The following PAPPA2 variants were observed in gnomAD, a reference collection of about 807,000 sequenced individuals.
PAPPA2 encodes the protein pappalysin 2, also known as pappalysin-2.
Under a neutral mutation model 176.4 loss-of-function variants are expected in PAPPA2, and 86 were observed. The observed-to-expected ratio is 0.49, with a 90% CI of 0.41 to 0.58. The LOEUF (loss-of-function observed/expected upper bound fraction) is 0.58. Among genes scored for constraint, PAPPA2 ranks in the 20% least tolerant of loss-of-function variants. The pLI is 0.00. For missense variants in PAPPA2, 2,073 were observed against 2,256.9 expected (o/e 0.92, Z 1.65); for synonymous variants, 809 against 852.2 (o/e 0.95, Z 0.88).
At chr1:176,570,679 C>T (rs749069051) in intron 2 of PAPPA2, among the ~76,000 whole-genome samples, 3 of 150,550 alleles carry the variant, frequency 2.0e-5, no homozygotes, top group East Asian at 4.0e-4. Flanking sequence ...TGTGCCCCCT[C>T]CTCTGCCATG....
chr1:176,699,242 C>A lies in PAPPA2; in HGVS notation c.2889C>A (p.Ala963=), dbSNP rs758339802. The change falls in exon 8 of 23, where the codon GCC becomes GCA. Residue 963 remains alanine (A), a synonymous_variant. Transcript: ENST00000367662. ...TGCTCTTCCAACACCCGGTCCAAGCCGACACCCTCACCCTGTGGGTCACTT... is the reference window on the plus strand; with the variant it reads ...TGCTCTTCCAACACCCGGTCCAAGCAGACACCCTCACCCTGTGGGTCACTT... The part of the protein sequence containing the change: ...LELLFQHPVQ[A]DTLTLWVTSF... The A allele has an allele frequency of 6.2e-7, 1 of 1,614,126 alleles. No homozygotes were observed.
chr1:176,696,833 G>C (rs1478666031), intron 7 of PAPPA2, among the ~76,000 whole-genome samples: 1 of 152,210 alleles, frequency 6.6e-6, no homozygotes, highest in South Asian at 2.1e-4. Context: ...ATTGGTCTGA[G>C]AGTCTGCAGT....
chr1:176,717,438 C>A (rs1232742542), intron 12 of PAPPA2, among the ~76,000 whole-genome samples: 1 of 152,208 alleles, frequency 6.6e-6, no homozygotes, highest in Non-Finnish European at 1.5e-5. Flanking sequence ...TCTGAATAGC[C>A]ATCTCTTAAT....
At chr1:176,597,692 AAAG>A (rs1309359697) in intron 3 of PAPPA2, among the ~76,000 whole-genome samples, 1 of 152,216 alleles carries the variant, frequency 6.6e-6, no homozygotes, top group African/African-American at 2.4e-5. Context: ...ATTTAAAAAA[AAAG>A]AAGAAAAGAA....
chr1:176,677,749 T>C (rs554463568), intron 4 of PAPPA2, among the ~76,000 whole-genome samples: 61 of 152,254 alleles, frequency 4.0e-4, no homozygotes, highest in African/African-American at 1.1e-3. Flanking sequence ...TTGGATACCA[T>C]ACTCATTGTC....
intron 3 of PAPPA2, among the ~76,000 whole-genome samples, chr1:176,645,977 A>G (rs945143636): frequency 4.0e-5 from 6 of 151,480 alleles, no homozygotes; most frequent in Non-Finnish European, 7.4e-5. Flanking sequence ...AGTTCTTTAT[A>G]TTTTGTTTCT....
At chr1:176,670,883 C>G (rs1658954321) in intron 3 of PAPPA2, 87 bp from the exon 4 acceptor site, 1 of 1,521,264 alleles carries the variant, frequency 6.6e-7, no homozygotes, top group South Asian at 1.2e-5. Flanking sequence ...GCTGGGAGTG[C>G]CATTAGAATC....
At chr1:176,710,686 A>T (rs1221799014) in intron 11 of PAPPA2, among the ~76,000 whole-genome samples, 1 of 152,196 alleles carries the variant, frequency 6.6e-6, no homozygotes, top group African/African-American at 2.4e-5. Flanking sequence ...CCTATTCTAG[A>T]TGCTTTTATT....
chr1:176,609,201 C>G (rs964226168), intron 3 of PAPPA2, among the ~76,000 whole-genome samples: 1 of 152,164 alleles, frequency 6.6e-6, no homozygotes, highest in African/African-American at 2.4e-5. Context: ...GGTTTTTGCT[C>G]CAGCGTAGTC....
chr1:176,576,257 T>A (rs929378884), intron 2 of PAPPA2, among the ~76,000 whole-genome samples: 5 of 152,216 alleles, frequency 3.3e-5, no homozygotes, highest in Non-Finnish European at 5.9e-5. Flanking sequence ...TTGTTCTTAC[T>A]CTTTGCCAAC....
intron 2 of PAPPA2, among the ~76,000 whole-genome samples, chr1:176,574,749 T>A (rs1372232919): frequency 6.6e-6 from 1 of 152,248 alleles, no homozygotes; most frequent in Non-Finnish European, 1.5e-5. Flanking sequence ...TGCATAATGA[T>A]GTGTTGGTTA....
intron 17 of PAPPA2, among the ~76,000 whole-genome samples, chr1:176,787,381 C>T (rs957020746): frequency 1.3e-5 from 2 of 151,858 alleles, no homozygotes; most frequent in Non-Finnish European, 2.9e-5. Context: ...ACTACAGGTG[C>T]GTGCCACTGT....
chr1:176,821,821 G>A (rs942188273), intron 21 of PAPPA2, among the ~76,000 whole-genome samples: 9 of 152,198 alleles, frequency 5.9e-5, no homozygotes, highest in African/African-American at 1.9e-4. Flanking sequence ...CATGGCAAAG[G>A]AAGGGTGAGT....
At chr1:176,522,066 C>A (rs924851903) in intron 1 of PAPPA2, among the ~76,000 whole-genome samples, 1 of 152,190 alleles carries the variant, frequency 6.6e-6, no homozygotes, top group Non-Finnish European at 1.5e-5. Context: ...GATCCAAACT[C>A]TGGCTTCCTC....
intron 1 of PAPPA2, among the ~76,000 whole-genome samples, chr1:176,502,833 G>A (rs987910405): frequency 1.3e-5 from 2 of 152,064 alleles, no homozygotes; most frequent in African/African-American, 2.4e-5. Context: ...AAGAAAAGGG[G>A]TACAACATGA....
intron 14 of PAPPA2, among the ~76,000 whole-genome samples, chr1:176,747,834 G>A (rs902018316): frequency 2.0e-5 from 3 of 152,176 alleles, no homozygotes; most frequent in Admixed American, 1.3e-4. Flanking sequence ...CCACTTCCAA[G>A]TTCACATGGT....
intron 21 of PAPPA2, among the ~76,000 whole-genome samples, chr1:176,831,733 C>G (rs1236258157): frequency 6.6e-6 from 1 of 152,122 alleles, no homozygotes; most frequent in Non-Finnish European, 1.5e-5. Flanking sequence ...AAGTAAGTCC[C>G]AGAGAGTCTC....
rs890158713 is a variant in PAPPA2, at chr1:176,668,869, A to T, written c.1992-2101A>T. Among the ~76,000 whole-genome samples, 4 of 152,292 alleles carry T rather than the reference A, an allele frequency of 2.6e-5. No homozygotes were observed. The East Asian group carries it at 7.7e-4, about 29-fold the overall frequency. On this transcript the variant is annotated intron_variant, in intron 3 of 22. Transcript: ENST00000367662. The stretch of plus-strand genomic sequence containing the variant: ...CCCAGTTTGCCACCAGCATGACATA[A>T]ATACTGTCATCTGGAAGGGTAATTT...
chr1:176,628,967 C>T lies in PAPPA2; in HGVS notation c.1991+33372C>T, dbSNP rs747261148. 3.3e-5 allele frequency among the ~76,000 whole-genome samples: 5 copies of T among 152,304 alleles called. No individual in the cohort carries two copies. In the East Asian group the frequency reaches 5.8e-4, roughly 18 times the overall value. ...TTTATGCTACCCATGAAACTTAAGGCCTTCACCGGCAATGGAAAAGCAATC... is the reference window on the plus strand; with the variant it reads ...TTTATGCTACCCATGAAACTTAAGGTCTTCACCGGCAATGGAAAAGCAATC... On this transcript the variant is annotated intron_variant, in intron 3 of 22. Transcript: ENST00000367662.
Sources: gnomAD v4.1 joint callset for allele counts (sites outside exome capture counted in the v4.1 genomes callset) on GRCh38, gnomAD v4.1.1 for gene constraint, MANE v1.5 for transcripts, NCBI Gene and HGNC (gene_info 2026-07-23, HGNC 2026-07-21) for gene names.